ZNF512B: variants seen among roughly 807,000 people sequenced by gnomAD.
ZNF512B encodes zinc finger protein 512B.
In ZNF512B, 22 loss-of-function variants were observed where a neutral mutation model predicts 87.8. The observed-to-expected ratio is 0.25, with a 90% CI of 0.18 to 0.36. The LOEUF (loss-of-function observed/expected upper bound fraction) is 0.36. Among genes scored for constraint, ZNF512B ranks in the 10% least tolerant of loss-of-function variants. The pLI is 1.00. For synonymous variants in ZNF512B, 524 were observed against 490.9 expected (o/e 1.07, Z -0.89); for missense variants, 1,060 against 1,231.6 (o/e 0.86, Z 2.09).
In ZNF512B at chr20:63,962,022, G is replaced by A. The variant is rs371531237; in HGVS notation, c.2266-18C>T. Reference sequence around the variant, plus strand: ...TCACAGCACTGCAGGGAAGGGAGCCGTGGGCGAAGGCCTCTGGTGGGCACC... The same window carrying A: ...TCACAGCACTGCAGGGAAGGGAGCCATGGGCGAAGGCCTCTGGTGGGCACC... On this transcript the variant is annotated intron_variant, in intron 14 of 16. Transcript: ENST00000369888. 2.3e-5 allele frequency: 35 copies of A among 1,550,504 alleles called. No individual in the cohort carries two copies. In the African/African-American group the frequency reaches 2.9e-4, roughly 13 times the overall value.
rs200354069 is a variant in ZNF512B, at chr20:63,961,918, C to T, written c.2328+24G>A. ...GAGCTCTGAGTGCAGCGCACCTGGC[C>T]GTGGGGCAGGCCCCAGAACTGACCT... On this transcript the variant is annotated intron_variant, in intron 15 of 16. Transcript: ENST00000369888. This position sits in a 1 kb window ranked among gnomAD's most constrained non-coding sequence, Gnocchi z 6.4. The T allele has an allele frequency of 1.7e-4, 261 of 1,550,080 alleles. No homozygotes were observed. Among genetic ancestry groups the T allele is most frequent in the Middle Eastern group, 5.0e-4 (3 of 5,970 alleles).
In ZNF512B at chr20:63,959,900, C is replaced by A. The variant is rs1208350110; in HGVS notation, c.2667G>T (p.Ala889=). 1 of 1,588,614 alleles carries A rather than the reference C, an allele frequency of 6.3e-7. No individual in the cohort carries two copies. The highest frequency in any genetic ancestry group is 2.2e-5 in the East Asian group (1 of 44,708). The change falls in exon 17 of 17, where the codon GCG becomes GCT. Residue 889 remains alanine (A), a synonymous_variant. Coordinates refer to ENST00000369888, the MANE Select transcript of ZNF512B (RefSeq NM_020713.3). ...STGRKVGVSK[A]PEK ...CCACGCACCATGCTCACTTTTCAGG[C>A]GCCTTGCTGACTCCCACCTTCCGGC...
In ZNF512B at chr20:63,957,685, C is replaced by CCTCTT. The variant is rs1232044140; in HGVS notation, c.*2198_*2202dup. The CCTCTT allele has an allele frequency of 6.5e-6, 1 of 152,726 alleles. No individual in the cohort carries two copies. Among genetic ancestry groups the CCTCTT allele is most frequent in the African/African-American group, 2.4e-5 (1 of 41,440 alleles). 9.5% of individuals were successfully genotyped at this position (152,726 alleles called of 1,614,324 possible). ...AACTCACCCCCAGCAAAAACCAGAC[C>CCTCTT]CTCTTCTCTTCTCCCCAAGGGCCAA... On this transcript the variant is annotated 3_prime_UTR_variant, in exon 17 of 17. Coordinates refer to ENST00000369888, the MANE Select transcript of ZNF512B (RefSeq NM_020713.3).
intron 1 of ZNF512B, chr20:63,969,002 G>T: frequency 1.8e-6 from 1 of 560,060 alleles, no homozygotes; most frequent in Non-Finnish European, 2.3e-6. Context: ...ACTTGGATCC[G>T]AGGGGATGGG....
In ZNF512B at chr20:63,967,407, CG is replaced by C; in HGVS notation, c.237del (p.Glu80ArgfsTer12). 6.2e-7 allele frequency: 1 copy of C among 1,612,090 alleles called. No homozygotes were observed. Among genetic ancestry groups the C allele is most frequent in the Non-Finnish European group, 8.5e-7 (1 of 1,178,762 alleles). On this transcript the variant is annotated frameshift_variant, in exon 3 of 17. Transcript: ENST00000369888. LOFTEE classifies it high-confidence loss of function. ...GGAATGTCTCGGAGGGCCTGGTTCT[CG>C]GCTTTTGGCCGCCCCTTTTTCTTCC... The part of the protein sequence containing the change: ...TEGKKKGRPK[A>X]ENQALRDIPL...
At chr20:63,969,598 G>A (rs1303007269) in intron 1 of ZNF512B, among the ~76,000 whole-genome samples, 3 of 147,264 alleles carry the variant, frequency 2.0e-5, no homozygotes, top group Non-Finnish European at 4.5e-5. Flanking sequence ...GCGGGGTGGG[G>A]GGGCGAAGGC....
At chr20:63,969,278 A>G in intron 1 of ZNF512B, 14 of 752,278 alleles carry the variant, frequency 1.9e-5, no homozygotes, top group Non-Finnish European at 2.3e-5. Context: ...GCCTGAGGCC[A>G]GGGCCAGCCT....
chr20:63,967,229 A>T, intron 3 of ZNF512B, 152 bp downstream of exon 3: 1 of 1,332,068 alleles, frequency 7.5e-7, no homozygotes, highest in Non-Finnish European at 1.0e-6. Flanking sequence ...CACATCAGAT[A>T]CAAAGCCAGG....
rs1035320855 is a variant in ZNF512B at position 63,968,046 on chromosome 20, T to C, written c.-2-94A>G. The C allele has an allele frequency of 4.7e-6, 7 of 1,480,842 alleles. No homozygotes were observed. In the African/African-American group the frequency reaches 8.3e-5, roughly 18 times the overall value. The allele number at this position is 1,480,842 out of a possible 1,614,324, so 91.7% of individuals were successfully genotyped here. On this transcript the variant is annotated intron_variant, in intron 1 of 16. Transcript: ENST00000369888. ...GGAGCCCTGCCCTTGGCAGGTCCTC[T>C]CTGGTCAGGGAAGAGGGGCCTGCCT...
In ZNF512B at chr20:63,967,389, C is replaced by T. The variant is rs1271681011; in HGVS notation, c.256G>A (p.Asp86Asn). 8 of 1,607,878 alleles carry T rather than the reference C, an allele frequency of 5.0e-6. No homozygotes were observed. Among genetic ancestry groups the T allele is most frequent in the Non-Finnish European group, 6.8e-6 (8 of 1,176,300 alleles). Residue 86 changes from aspartate to asparagine, a missense_variant, in exon 3 of 17, where the codon GAC becomes AAC. Physicochemically the swap from Asp to Asn is conservative, Grantham distance 23. This residue lies in a region of ZNF512B where 134 missense variants were observed against 153.6 expected (regional missense o/e 0.87). Transcript: ENST00000369888. ...GCCCTGAGGGAGCTCACAGGAATGT[C>T]TCGGAGGGCCTGGTTCTCGGCTTTT... ...RPKAENQALR[D>N]IPLSLMNDWK...
At position 63,962,639 on chromosome 20, in the gene ZNF512B, C is replaced by T. The variant is rs756045118; in HGVS notation, c.2111G>A (p.Arg704His). 1.4e-5 allele frequency: 22 copies of T among 1,606,782 alleles called. No individual in the cohort carries two copies. The Admixed American group carries it at 2.2e-4, about 16-fold the overall frequency. The stretch of plus-strand genomic sequence containing the variant: ...CTTCATGCGCCGCTTGGTCCAGTCG[C>T]GGGCCAGCTCGTCCTCCGCTATCTC... ...LQEIAEDELA[R>H]DWTKRRMKDD... The change falls in exon 13 of 17, where the codon CGC (arginine) becomes CAC (histidine). Residue 704 changes from arginine to histidine, a missense_variant. Coordinates refer to ENST00000369888, the MANE Select transcript of ZNF512B (RefSeq NM_020713.3).
intron 1 of ZNF512B, among the ~76,000 whole-genome samples, 175 bp downstream of exon 1, chr20:63,969,639 A>G (rs1351436472): frequency 5.3e-5 from 7 of 132,382 alleles, no homozygotes; most frequent in African/African-American, 1.4e-4. Flanking sequence ...TTTTCTGGAG[A>G]AGGAGGAGGC....
At position 63,969,902 on chromosome 20, in the gene ZNF512B, C is replaced by G. The variant is rs1322060302; in HGVS notation, c.-91G>C. ...GGGCGCTGGGTCCGGGCGGCGCAGG[C>G]TGCGCGCCGCGCTGCGCACATGCGC... On this transcript the variant is annotated 5_prime_UTR_variant, in exon 1 of 17. Coordinates refer to ENST00000369888, the MANE Select transcript of ZNF512B (RefSeq NM_020713.3). The G allele has an allele frequency of 1.4e-5, 2 of 146,574 alleles. No individual in the cohort carries two copies. Among genetic ancestry groups the G allele is most frequent in the South Asian group, 2.1e-4 (1 of 4,802 alleles). 9.1% of individuals were successfully genotyped at this position (146,574 alleles called of 1,614,324 possible).
At chr20:63,962,830 G>C (rs748411802) in intron 12 of ZNF512B, 49 bp from the exon 13 acceptor site, 2 of 1,526,238 alleles carry the variant, frequency 1.3e-6, no homozygotes, top group South Asian at 2.4e-5. Flanking sequence ...GGGAGCAAGA[G>C]TCAGGTCAGC....
Position 63,964,541 on chromosome 20 carries a change from C to T in ZNF512B, c.1210G>A (p.Ala404Thr). Residue 404 changes from alanine (A) to threonine (T), a missense_variant, in exon 6 of 17, where the codon GCT becomes ACT. This residue lies in a region of ZNF512B where 212 missense variants were observed against 207.6 expected (regional missense o/e 1.02). Transcript: ENST00000369888. ...TCAGGCGGGGACGCAGGGCCTGCAGCCTTCAGTGCCTCCATGCCCCCTGAC... is the reference window on the plus strand; with the variant it reads ...TCAGGCGGGGACGCAGGGCCTGCAGTCTTCAGTGCCTCCATGCCCCCTGAC... ...RPSGGMEALK[A>T]AGPASPPEED... 6.2e-7 allele frequency: 1 copy of T among 1,612,888 alleles called. No homozygotes were observed. The highest frequency in any genetic ancestry group is 8.5e-7 in the Non-Finnish European group (1 of 1,179,926).
chr20:63,961,144 G>A lies in ZNF512B; in HGVS notation c.2427+165C>T, dbSNP rs1315037192. 6.6e-6 allele frequency among the ~76,000 whole-genome samples: 1 copy of A among 152,196 alleles called. No individual in the cohort carries two copies. Among genetic ancestry groups the A allele is most frequent in the Non-Finnish European group, 1.5e-5 (1 of 68,016 alleles). ...CCTCCCAGTTCTCCCAGGGAAGCCA[G>A]ACCCCACTTTGAGGAGAAACTACCA... On this transcript the variant is annotated intron_variant, in intron 16 of 16. Coordinates refer to ENST00000369888, the MANE Select transcript of ZNF512B (RefSeq NM_020713.3). This position sits in a 1 kb window ranked among gnomAD's most constrained non-coding sequence, Gnocchi z 6.4.
intron 12 of ZNF512B, 24 bp from the exon 13 acceptor site, chr20:63,962,805 G>A (rs1337947622): frequency 1.9e-6 from 3 of 1,569,606 alleles, no homozygotes; most frequent in East Asian, 2.3e-5. Context: ...AGGCATGGAG[G>A]CTAGAGTGAG....
Position 63,957,819 on chromosome 20 carries a change from G to GCTCCCCTCCC in ZNF512B, c.*2059_*2068dup, listed in dbSNP as rs776068388. On this transcript the variant is annotated 3_prime_UTR_variant, in exon 17 of 17. Transcript: ENST00000369888. ...GCACCTAGGCCCCCGCCCAGTGCCT[G>GCTCCCCTCCC]CTCCCCTCCCCTCCCCTCCCCTCCC... The GCTCCCCTCCC allele has an allele frequency of 1.3e-5, 2 of 151,076 alleles. No homozygotes were observed. The highest frequency in any genetic ancestry group is 4.9e-5 in the African/African-American group (2 of 40,928). 9.4% of individuals were successfully genotyped at this position (151,076 alleles called of 1,614,324 possible).
chr20:63,960,231 C>T (rs1439738433), intron 16 of ZNF512B, 92 bp from the exon 17 acceptor site: 2 of 1,534,894 alleles, frequency 1.3e-6, no homozygotes, highest in African/African-American at 2.8e-5. Context: ...TGTCAGCCTT[C>T]AGGACCAGGC....
Sources: gnomAD v4.1 joint callset for allele counts (sites outside exome capture counted in the v4.1 genomes callset) on GRCh38, gnomAD v4.1.1 for gene constraint, gnomAD v4.1.1 regional missense constraint, Gnocchi (gnomAD v3.1) non-coding constraint, MANE v1.5 for transcripts, NCBI Gene and HGNC (gene_info 2026-07-23, HGNC 2026-07-21) for gene names.